The following ATRX variants were observed in gnomAD, a reference collection of about 807,000 sequenced individuals.
ATRX encodes ATRX chromatin remodeler.
ATRX carries 12 observed loss-of-function variants against 172.6 expected under a neutral mutation model. That is an observed-to-expected ratio of 0.07 (90% CI 0.04 to 0.11). The LOEUF is 0.11. Among genes scored for constraint, ATRX ranks in the 10% least tolerant of loss-of-function variants. ATRX has a pLI of 1.00. For missense variants in ATRX, 1,368 were observed against 1,767.4 expected (o/e 0.77, Z 4.05); for synonymous variants, 674 against 594.7 (o/e 1.13, Z -1.94).
At chrX:77,631,562 T>C (rs927091340) in intron 19 of ATRX, among the ~76,000 whole-genome samples, 6 of 111,723 alleles carry the variant, frequency 5.4e-5, no homozygotes, top group Admixed American at 2.9e-4. Flanking sequence ...ATATGAGATA[T>C]GATGTGACAA....
intron 1 of ATRX, among the ~76,000 whole-genome samples, chrX:77,769,853 T>C (rs1483575115): frequency 9.1e-6 from 1 of 110,203 alleles, no homozygotes; most frequent in Non-Finnish European, 1.9e-5. Context: ...CCCAACACTT[T>C]GGGAGGCTGA....
chrX:77,758,478 G>A (rs782231981), intron 1 of ATRX, among the ~76,000 whole-genome samples: 46 of 108,427 alleles, frequency 4.2e-4, no homozygotes, highest in Non-Finnish European at 7.6e-4. Context: ...AATGCTCGCC[G>A]GGCACGGTGG....
At chrX:77,521,010 C>A in intron 33 of ATRX, 94 bp from the exon 34 acceptor site, 1 of 922,072 alleles carries the variant, frequency 1.1e-6, no homozygotes. Flanking sequence ...CCCAAGGTTT[C>A]AAACCCCCCT....
intron 15 of ATRX, among the ~76,000 whole-genome samples, chrX:77,643,452 A>G (rs782302642): frequency 9.0e-5 from 10 of 110,555 alleles, no homozygotes; most frequent in Non-Finnish European, 1.7e-4. Context: ...TGGTGTAATT[A>G]TAGCTCACTG....
At chrX:77,618,747 T>C (rs1159971668) in intron 21 of ATRX, 59 bp downstream of exon 21, 2 of 1,057,116 alleles carry the variant, frequency 1.9e-6, no homozygotes, top group Non-Finnish European at 2.6e-6. Context: ...TCAGAAAATA[T>C]GTTGGGATTG....
chrX:77,629,748 G>A (rs1433287829), intron 19 of ATRX, among the ~76,000 whole-genome samples: 1 of 111,756 alleles, frequency 8.9e-6, no homozygotes, highest in Non-Finnish European at 1.9e-5. Flanking sequence ...CACAGCTAAT[G>A]TCATACTTAA....
chrX:77,677,669 T>TA (rs2070960357), intron 9 of ATRX, among the ~76,000 whole-genome samples: 1 of 109,621 alleles, frequency 9.1e-6, no homozygotes, highest in Admixed American at 9.8e-5. Flanking sequence ...CCCTGTATTT[T>TA]TTTTTTTTTT....
At chrX:77,598,215 ATAAG>A (rs2066537919) in intron 25 of ATRX, among the ~76,000 whole-genome samples, 2 of 111,266 alleles carry the variant, frequency 1.8e-5, no homozygotes, top group Non-Finnish European at 1.9e-5. Flanking sequence ...GTTCTTACAT[ATAAG>A]TAAGAGCTAA....
rs1160800408 is a variant in ATRX at position 77,773,764 on chromosome X, A to AG, written c.20+12217_20+12218insC. Among the ~76,000 whole-genome samples the AG allele has an allele frequency of 1.9e-3, 214 of 110,317 alleles. 2 individuals carry two copies. The highest frequency in any genetic ancestry group is 5.3e-4 in the Non-Finnish European group (28 of 52,802). On this transcript the variant is annotated intron_variant, in intron 1 of 34. Transcript: ENST00000373344. ...AAGACTCTGTCTCAGAAAAAAAAAA[A>AG]CAAAGCAAAATCATTCTAAAACATA... is the stretch of plus-strand genomic sequence containing the variant.
At chrX:77,649,090 G>A (rs782011965) in intron 15 of ATRX, among the ~76,000 whole-genome samples, 6 of 110,470 alleles carry the variant, frequency 5.4e-5, no homozygotes, top group Admixed American at 9.8e-5. Context: ...CTTGAGCCCA[G>A]GAGTTTGAGG....
At chrX:77,585,583 CAAAA>C (rs781792876) in intron 27 of ATRX, among the ~76,000 whole-genome samples, 31 of 8,513 alleles carry the variant, frequency 3.6e-3, no homozygotes, top group Admixed American at 7.1e-3. Context: ...CTCCCCCCAC[CAAAA>C]AAAAAAAAAA....
rs988792244 is a variant in ATRX, at chrX:77,698,444, G to A, written c.189+130C>T. Reference sequence around the variant, plus strand: ...ACCTGTTCTCAAACTGGAAAACAACGAAACTGAAGTATAATGACAACTGGG... The same window carrying A: ...ACCTGTTCTCAAACTGGAAAACAACAAAACTGAAGTATAATGACAACTGGG... On this transcript the variant is annotated intron_variant, in intron 3 of 34. Coordinates refer to ENST00000373344, the MANE Select transcript of ATRX (RefSeq NM_000489.6). 17 of 526,843 alleles carry A rather than the reference G, an allele frequency of 3.2e-5. No homozygotes were observed. The South Asian group carries it at 5.1e-4, about 16-fold the overall frequency. 43.4% of individuals were successfully genotyped at this position (526,843 alleles called of 1,213,427 possible). A position where few individuals can be genotyped will look rare whatever the true frequency, so the allele number is the denominator to read the frequency against.
intron 30 of ATRX, among the ~76,000 whole-genome samples, chrX:77,555,509 A>G (rs1344515803): frequency 4.6e-5 from 5 of 109,187 alleles, no homozygotes; most frequent in African/African-American, 1.7e-4. Context: ...ATACACACCA[A>G]GGAATACTAT....
Position 77,732,111 on chromosome X carries a change from C to T in ATRX, c.21-14868G>A, listed in dbSNP as rs782361902. Among the ~76,000 whole-genome samples, 306 of 111,952 alleles carry T rather than the reference C, an allele frequency of 2.7e-3. 1 individual carries two copies. Among genetic ancestry groups the T allele is most frequent in the Non-Finnish European group, 4.6e-3 (244 of 53,176 alleles). On this transcript the variant is annotated intron_variant, in intron 1 of 34. Transcript: ENST00000373344. ...CCTCGGGGTCACAGACACCACCCCC[C>T]TCCCCATCAACCTGGGTGCTGTGCA... is the stretch of plus-strand genomic sequence containing the variant.
At position 77,618,967 on chromosome X, in the gene ATRX, T is replaced by G; in HGVS notation, c.5287A>C (p.Asn1763His). 8.7e-7 allele frequency: 1 copy of G among 1,149,970 alleles called. No individual in the cohort carries two copies. Among genetic ancestry groups the G allele is most frequent in the Non-Finnish European group, 1.2e-6 (1 of 840,237 alleles). 94.8% of individuals were successfully genotyped at this position (1,149,970 alleles called of 1,213,427 possible). ...CCAAGTAAATTTTCCTTGATAAAAT[T>G]AACCATACAATGATCTAAGAGAGAA... ...NNLIEYHCMV[N>H]FIKENLLGSI... The change falls in exon 21 of 35, where the codon AAT becomes CAT. Residue 1763 changes from asparagine to histidine, a missense_variant. Transcript: ENST00000373344.
chrX:77,702,419 G>T (rs1557154353), intron 2 of ATRX, among the ~76,000 whole-genome samples: 1 of 111,259 alleles, frequency 9.0e-6, no homozygotes, highest in Non-Finnish European at 1.9e-5. Flanking sequence ...CCCCAGCCTG[G>T]GGAACAGAGC....
intron 1 of ATRX, among the ~76,000 whole-genome samples, chrX:77,735,364 A>C (rs2074495743): frequency 9.0e-6 from 1 of 111,728 alleles, no homozygotes; most frequent in African/African-American, 3.2e-5. Context: ...TGGGAGGCCA[A>C]GGCAGGCGGA....
At chrX:77,688,601 A>T (rs182658249) in intron 7 of ATRX, among the ~76,000 whole-genome samples, 1 of 111,260 alleles carries the variant, frequency 9.0e-6, no homozygotes, top group Non-Finnish European at 1.9e-5. Context: ...AAGCCATCCA[A>T]ATCCTATTTA....
chrX:77,585,114 C>G lies in ATRX; in HGVS notation c.6217+4720G>C, dbSNP rs782232156. Among the ~76,000 whole-genome samples, 4 of 111,149 alleles carry G rather than the reference C, an allele frequency of 3.6e-5. No individual in the cohort carries two copies. In the East Asian group the frequency reaches 1.1e-3, roughly 32 times the overall value. ...TCAAACTATGAGATATCTTCCCACC[C>G]CAGTTAACTTGGCTTTTATCCAAAG... On this transcript the variant is annotated intron_variant, in intron 27 of 34. Coordinates refer to ENST00000373344, the MANE Select transcript of ATRX (RefSeq NM_000489.6).
Sources: gnomAD v4.1 joint callset for allele counts (sites outside exome capture counted in the v4.1 genomes callset) on GRCh38, gnomAD v4.1.1 for gene constraint, MANE v1.5 for transcripts, NCBI Gene and HGNC (gene_info 2026-07-23, HGNC 2026-07-21) for gene names.